Variants in DMRT1 observed in about 807,000 individuals in gnomAD.
DMRT1 encodes the protein doublesex and mab-3 related transcription factor 1, also known as doublesex- and mab-3-related transcription factor 1.
A neutral mutation model predicts 32.3 loss-of-function variants in DMRT1; 7 were observed. The ratio of observed to expected loss-of-function variants is 0.22; its 90% confidence interval spans 0.12 to 0.41. The LOEUF (loss-of-function observed/expected upper bound fraction) is 0.41. DMRT1 is among the 10% of genes least tolerant of loss of function. DMRT1 has a pLI of 1.00. For missense variants in DMRT1, 625 were observed against 500.5 expected (o/e 1.25, Z -2.37); for synonymous variants, 278 against 206.1 (o/e 1.35, Z -2.99).
intron 1 of DMRT1, among the ~76,000 whole-genome samples, chr9:844,444 G>GAT (rs879335898): frequency 0.041 from 6,268 of 152,164 alleles, 393 homozygotes; most frequent in African/African-American, 0.14. Context: ...GTGCATTTTG[G>GAT]ATGTGCTTCA....
intron 2 of DMRT1, among the ~76,000 whole-genome samples, chr9:862,252 C>T (rs1315474734): frequency 6.6e-6 from 1 of 152,248 alleles, no homozygotes; most frequent in South Asian, 2.1e-4. Context: ...GCACTCCCGG[C>T]ACCTCGGGAG....
chr9:951,152 A>T (rs946260978), intron 4 of DMRT1, among the ~76,000 whole-genome samples: 1 of 152,198 alleles, frequency 6.6e-6, no homozygotes, highest in African/African-American at 2.4e-5. Context: ...AGCCTCATTG[A>T]AGCACTAGAC....
At chr9:923,015 G>T (rs999542651) in intron 4 of DMRT1, among the ~76,000 whole-genome samples, 1 of 152,134 alleles carries the variant, frequency 6.6e-6, no homozygotes, top group African/African-American at 2.4e-5. Context: ...AATCCATCTG[G>T]CGTTGGCAAT....
chr9:892,562 G>T (rs1817193263), intron 2 of DMRT1, among the ~76,000 whole-genome samples: 1 of 152,074 alleles, frequency 6.6e-6, no homozygotes, highest in Admixed American at 6.6e-5. Context: ...TCTTACATTT[G>T]CAGGCCTTAG....
chr9:912,084 C>G (rs897613760), intron 3 of DMRT1, among the ~76,000 whole-genome samples: 1 of 152,210 alleles, frequency 6.6e-6, no homozygotes, highest in South Asian at 2.1e-4. Context: ...GCAGTCATGT[C>G]AGAAGGCGAA....
At position 901,727 on chromosome 9, in the gene DMRT1, A is replaced by C. The variant is rs111453923; in HGVS notation, c.822+7532A>C. Among the ~76,000 whole-genome samples the C allele has an allele frequency of 3.7e-3, 564 of 151,564 alleles. 5 individuals carry two copies. The highest frequency in any genetic ancestry group is 0.013 in the African/African-American group (528 of 41,292). On this transcript the variant is annotated intron_variant, in intron 3 of 4. Transcript: ENST00000382276. Reference sequence around the variant, plus strand: ...TTTCCCAGGATGATGTGCTCTGGTCACTGGAAACTCCTGGGAAGTTCTGGA... The same window carrying C: ...TTTCCCAGGATGATGTGCTCTGGTCCCTGGAAACTCCTGGGAAGTTCTGGA...
chr9:900,989 G>GCT (rs1817550530), intron 3 of DMRT1, among the ~76,000 whole-genome samples: 1 of 146,272 alleles, frequency 6.8e-6, no homozygotes, highest in African/African-American at 2.5e-5. Context: ...GCTGTGCCTA[G>GCT]CTCTACTTCA....
At chr9:883,208 AT>A (rs1028880856) in intron 2 of DMRT1, among the ~76,000 whole-genome samples, 25 of 152,040 alleles carry the variant, frequency 1.6e-4, no homozygotes, top group African/African-American at 5.5e-4. Flanking sequence ...TCACTTTGCT[AT>A]GAAAAGAGTT....
chr9:920,049 C>T (rs1262614599), intron 4 of DMRT1, among the ~76,000 whole-genome samples: 4 of 152,204 alleles, frequency 2.6e-5, no homozygotes, highest in Non-Finnish European at 5.9e-5. Flanking sequence ...AGTTTGTGTG[C>T]ATTACGAGTT....
At chr9:922,071 A>G (rs1818372081) in intron 4 of DMRT1, among the ~76,000 whole-genome samples, 1 of 151,544 alleles carries the variant, frequency 6.6e-6, no homozygotes, top group Non-Finnish European at 1.5e-5. Flanking sequence ...GTAGAAACAG[A>G]GTTTTGCCAT....
intron 4 of DMRT1, among the ~76,000 whole-genome samples, chr9:939,519 T>C (rs545323625): frequency 1.3e-5 from 2 of 152,368 alleles, no homozygotes; most frequent in South Asian, 4.1e-4. Flanking sequence ...GAAAATATTT[T>C]GTCCTGTTCT....
chr9:873,246 C>T (rs1055836906), intron 2 of DMRT1, among the ~76,000 whole-genome samples: 1 of 151,974 alleles, frequency 6.6e-6, no homozygotes, highest in African/African-American at 2.4e-5. Context: ...AAGTCCTTTG[C>T]CCATTTGTAA....
chr9:968,643 T>TTGTG lies in DMRT1; in HGVS notation c.*510_*513dup, dbSNP rs1189510181. On this transcript the variant is annotated 3_prime_UTR_variant, in exon 5 of 5. Coordinates refer to ENST00000382276, the MANE Select transcript of DMRT1 (RefSeq NM_021951.3). ...TTTAGAAGTCTGCTAAATGGATATATTGTGTGTGTTGCTGTTGGAAATAGC... is the reference window on the plus strand; with the variant it reads ...TTTAGAAGTCTGCTAAATGGATATATTGTGTGTGTGTGTTGCTGTTGGAAATAGC... 6.4e-6 allele frequency: 1 copy of TTGTG among 157,466 alleles called. No homozygotes were observed. The highest frequency in any genetic ancestry group is 1.4e-5 in the Non-Finnish European group (1 of 71,056). The allele number at this position is 157,466 out of a possible 1,614,324, so 9.8% of individuals were successfully genotyped here. A position where few individuals can be genotyped will look rare whatever the true frequency, so the allele number is the denominator to read the frequency against.
chr9:901,587 A>G (rs1180496659), intron 3 of DMRT1, among the ~76,000 whole-genome samples: 7 of 152,140 alleles, frequency 4.6e-5, no homozygotes, highest in African/African-American at 1.7e-4. Flanking sequence ...TTGGCCTCCC[A>G]AAGTGCTGGG....
At chr9:847,219 G>C in intron 2 of DMRT1, 76 bp downstream of exon 2, 1 of 1,435,834 alleles carries the variant, frequency 7.0e-7, no homozygotes, top group Admixed American at 1.8e-5. Flanking sequence ...CAGAAGCAGG[G>C]CTCCCCTGAG....
intron 2 of DMRT1, among the ~76,000 whole-genome samples, chr9:867,202 C>G (rs748349702): frequency 5.3e-5 from 8 of 151,780 alleles, no homozygotes; most frequent in Non-Finnish European, 7.4e-5. Context: ...TGAAAAAAAA[C>G]AAAGCATAAT....
intron 2 of DMRT1, among the ~76,000 whole-genome samples, chr9:863,189 C>G (rs1215780073): frequency 1.4e-5 from 2 of 144,552 alleles, no homozygotes; most frequent in East Asian, 2.0e-4. Context: ...GTGGGGGTGG[C>G]TGCTTTTAGT....
At chr9:862,992 G>T (rs764695523) in intron 2 of DMRT1, among the ~76,000 whole-genome samples, 2 of 151,924 alleles carry the variant, frequency 1.3e-5, no homozygotes, top group Non-Finnish European at 2.9e-5. Context: ...TTTTCCGGAT[G>T]GGCACAATCT....
intron 3 of DMRT1, chr9:894,492 T>G (rs187107586): frequency 8.4e-4 from 371 of 441,396 alleles, no homozygotes; most frequent in Non-Finnish European, 1.3e-3. Context: ...CAAATTTTAC[T>G]TTTCTCATTT....
Sources: allele counts gnomAD v4.1 joint callset (sites outside exome capture counted in the v4.1 genomes callset), GRCh38; gene constraint gnomAD v4.1.1; transcripts MANE v1.5; gene names NCBI Gene and HGNC (gene_info 2026-07-23, HGNC 2026-07-21).